Variants in DCAF6 observed in about 807,000 individuals in gnomAD.
The protein encoded by DCAF6 is DDB1- and CUL4-associated factor 6.
In DCAF6, 54 loss-of-function variants were observed where a neutral mutation model predicts 125.1. The observed-to-expected ratio is 0.43, with a 90% confidence interval of 0.35 to 0.54. The LOEUF is 0.54. Among genes scored for constraint, DCAF6 ranks in the 20% least tolerant of loss-of-function variants. The pLI is 0.01. For synonymous variants in DCAF6, 371 were observed against 390.4 expected, an observed-to-expected ratio of 0.95 and a Z score of 0.58; for missense variants, 934 against 1,161.7, an observed-to-expected ratio of 0.80 and a Z score of 2.85.
intron 4 of DCAF6, among the ~76,000 whole-genome samples, chr1:167,976,934 G>T (rs1476031493): frequency 1.1e-5 from 1 of 93,396 alleles, no homozygotes; most frequent in African/African-American, 4.2e-5. Context: ...ACGGAGTTTC[G>T]CTCTTGTTGC....
chr1:167,905,738 ATGTG>A, the DCAF6 span, among the ~76,000 whole-genome samples: 24 of 148,856 alleles, frequency 1.6e-4, no homozygotes, highest in East Asian at 5.9e-4. Context: ...GAGTTCAGAA[ATGTG>A]TGTGTGTGTG....
chr1:168,017,597 A>T (rs900205189), intron 11 of DCAF6, among the ~76,000 whole-genome samples: 3 of 152,142 alleles, frequency 2.0e-5, no homozygotes, highest in Middle Eastern at 3.2e-3. Flanking sequence ...TTCTAATTAA[A>T]TATCTAGTTT....
intron 17 of DCAF6, among the ~76,000 whole-genome samples, chr1:168,062,234 C>A (rs1056045708): frequency 1.3e-5 from 2 of 152,048 alleles, no homozygotes; most frequent in Non-Finnish European, 2.9e-5. Flanking sequence ...ATAATGGTTT[C>A]CTTTAAAGGG....
intron 3 of DCAF6, chr1:167,969,355 C>T (rs1571722389): frequency 6.6e-6 from 1 of 152,158 alleles, no homozygotes; most frequent in East Asian, 1.9e-4. Flanking sequence ...TGGCTAGGTT[C>T]TAGTGAAATG....
intron 7 of DCAF6, among the ~76,000 whole-genome samples, chr1:168,001,905 T>C (rs909484790): frequency 2.0e-5 from 3 of 152,146 alleles, no homozygotes; most frequent in Admixed American, 6.5e-5. Flanking sequence ...ATGATGTTAT[T>C]TTTATTTTCT....
the DCAF6 span, among the ~76,000 whole-genome samples, chr1:167,900,240 C>T: frequency 8.5e-4 from 130 of 152,236 alleles, 1 homozygote; most frequent in South Asian, 0.024. Context: ...GACTGTAATA[C>T]AATCAATGTT....
Position 167,967,694 on chromosome 1 carries a change from T to C in DCAF6, c.252+973T>C, listed in dbSNP as rs1003758109. 5.9e-5 allele frequency among the ~76,000 whole-genome samples: 9 copies of C among 151,312 alleles called. No individual in the cohort carries two copies. In the East Asian group the frequency reaches 1.2e-3, roughly 19 times the overall value. On this transcript the variant is annotated intron_variant, in intron 3 of 21. Coordinates refer to ENST00000367840, the MANE Select transcript of DCAF6 (RefSeq NM_001198956.2). ...CACATGATACATTTTTCTCTCCTGATTGTCTTAAATTTCCTGTATCTTTTT... is the reference window on the plus strand; with the variant it reads ...CACATGATACATTTTTCTCTCCTGACTGTCTTAAATTTCCTGTATCTTTTT...
rs1264048161 is a variant in DCAF6 at position 168,015,908 on chromosome 1, TC to T, written c.1507del (p.Gln503SerfsTer41). 6.5e-7 allele frequency: 1 copy of T among 1,539,354 alleles called. No homozygotes were observed. On this transcript the variant is annotated frameshift_variant, in exon 11 of 22. Coordinates refer to ENST00000367840, the MANE Select transcript of DCAF6 (RefSeq NM_001198956.2). LOFTEE classifies it high-confidence loss of function. ...CCCAGCAACAGCCTTCCACTTCTGA[TC>T]AGTCTTCTCATGAGGGCTCTTCACA... ...HTQQQPSTSD[Q>X]SSHEGSSQDP...
intron 18 of DCAF6, 93 bp downstream of exon 18, chr1:168,063,852 G>A (rs1033191588): frequency 8.2e-7 from 1 of 1,219,362 alleles, no homozygotes; most frequent in African/African-American, 1.6e-5. Flanking sequence ...TTGCCAATGG[G>A]ATTTCAGTAT....
intron 1 of DCAF6, among the ~76,000 whole-genome samples, chr1:167,937,560 C>G (rs1671492773): frequency 6.6e-6 from 1 of 152,114 alleles, no homozygotes; most frequent in Non-Finnish European, 1.5e-5. Flanking sequence ...CCCACCCCCG[C>G]GCGCTCTCCC....
At chr1:167,955,924 C>A (rs1674711439) in intron 2 of DCAF6, among the ~76,000 whole-genome samples, 1 of 152,046 alleles carries the variant, frequency 6.6e-6, no homozygotes, top group Non-Finnish European at 1.5e-5. Context: ...ACCACCCCAG[C>A]AAATGTGTTT....
At chr1:168,044,421 A>T (rs1411425397) in intron 14 of DCAF6, among the ~76,000 whole-genome samples, 164 bp from the exon 15 acceptor site, 1 of 152,206 alleles carries the variant, frequency 6.6e-6, no homozygotes, top group East Asian at 1.9e-4. Flanking sequence ...TAAGTAATAT[A>T]GAGATAATTT....
the DCAF6 span, among the ~76,000 whole-genome samples, chr1:167,882,941 G>C: frequency 1.3e-5 from 2 of 152,226 alleles, no homozygotes; most frequent in Admixed American, 6.5e-5. Context: ...TGAGTCAATA[G>C]AGATCAGGTC....
At chr1:167,865,865 G>A in the DCAF6 span, among the ~76,000 whole-genome samples, 9 of 152,284 alleles carry the variant, frequency 5.9e-5, no homozygotes, top group South Asian at 2.1e-4. Flanking sequence ...TCCACCAGGC[G>A]TGGGCTGCAT....
intron 7 of DCAF6, among the ~76,000 whole-genome samples, chr1:168,000,252 A>G (rs1378864074): frequency 6.6e-6 from 1 of 152,172 alleles, no homozygotes. Context: ...AGCAATTACA[A>G]TAGTAAGATC....
chr1:167,867,319 G>A, the DCAF6 span, among the ~76,000 whole-genome samples: 1 of 152,116 alleles, frequency 6.6e-6, no homozygotes, highest in Non-Finnish European at 1.5e-5. Flanking sequence ...ACTGGTCCAC[G>A]CACGGCCGAA....
At chr1:168,020,792 T>C (rs534942564) in intron 11 of DCAF6, among the ~76,000 whole-genome samples, 2 of 152,278 alleles carry the variant, frequency 1.3e-5, no homozygotes, top group East Asian at 3.9e-4. Flanking sequence ...TTCTAGGTAT[T>C]GTATTTATGA....
the DCAF6 span, among the ~76,000 whole-genome samples, chr1:167,922,294 T>C: frequency 1.3e-5 from 2 of 152,138 alleles, no homozygotes; most frequent in Non-Finnish European, 2.9e-5. Flanking sequence ...TTTATGAGTA[T>C]ATAATGCTGT....
At chr1:168,001,026 T>C (rs1478388538) in intron 7 of DCAF6, among the ~76,000 whole-genome samples, 1 of 152,134 alleles carries the variant, frequency 6.6e-6, no homozygotes, top group Admixed American at 6.6e-5. Flanking sequence ...ATGGATCAGA[T>C]GTGGTGGCTC....
Sources: allele counts gnomAD v4.1 joint callset (sites outside exome capture counted in the v4.1 genomes callset), GRCh38; gene constraint gnomAD v4.1.1; transcripts MANE v1.5; gene names NCBI Gene and HGNC (gene_info 2026-07-23, HGNC 2026-07-21).